ZNF19: variants seen among roughly 807,000 people sequenced by gnomAD.
The protein encoded by ZNF19 is zinc finger protein 19.
Under a neutral mutation model 13.1 loss-of-function variants are expected in ZNF19, and 11 were observed. The ratio of observed to expected loss-of-function variants is 0.84; its 90% CI spans 0.53 to 1.39. The LOEUF is 1.39. Among genes scored for constraint, ZNF19 ranks in the 40% most tolerant of loss-of-function variants. The pLI, the probability that ZNF19 is intolerant of heterozygous loss-of-function variation, is 0.00. For synonymous variants in ZNF19, 186 were observed against 187.0 expected (o/e 0.99, Z 0.04); for missense variants, 560 against 547.0 (o/e 1.02, Z -0.24).
chr16:71,488,357 CAAA>C (rs1204906609), intron 1 of ZNF19, among the ~76,000 whole-genome samples: 3 of 65,368 alleles, frequency 4.6e-5, no homozygotes, highest in Non-Finnish European at 3.7e-5. Context: ...GAGACTATCT[CAAA>C]AAAAAAAAAA....
chr16:71,478,545 T>C (rs748405790), intron 4 of ZNF19: 5 of 695,682 alleles, frequency 7.2e-6, no homozygotes, highest in South Asian at 1.5e-5. Context: ...GTCAGTGAGA[T>C]CCACAAGGCA....
intron 1 of ZNF19, among the ~76,000 whole-genome samples, chr16:71,486,918 C>T (rs2043682571): frequency 6.6e-6 from 1 of 151,918 alleles, no homozygotes; most frequent in Admixed American, 6.6e-5. Context: ...ATATTCTTGG[C>T]CAGAAGATGG....
chr16:71,478,259 G>T lies in ZNF19; in HGVS notation c.243C>A (p.Pro81=). The T allele has an allele frequency of 6.2e-7, 1 of 1,614,032 alleles. No homozygotes were observed. The highest frequency in any genetic ancestry group is 8.5e-7 in the Non-Finnish European group (1 of 1,179,994). The stretch of plus-strand genomic sequence containing the variant: ...AGACGTTTTTGGTCCTCTCTGCTGG[G>T]GGATCATCCTGTGCTTCCAGGCCCC... ...MAWGLEAQDD[P]PAERTKNVCK... The change falls in exon 5 of 6, where the codon CCC becomes CCA. Residue 81 remains proline (P), a synonymous_variant. Coordinates refer to ENST00000288177, the MANE Select transcript of ZNF19 (RefSeq NM_006961.4).
intron 1 of ZNF19, among the ~76,000 whole-genome samples, chr16:71,485,592 G>A (rs931722573): frequency 6.6e-6 from 1 of 151,402 alleles, no homozygotes; most frequent in African/African-American, 2.4e-5. Flanking sequence ...GGCAGCCAGA[G>A]CAATCTATAA....
At chr16:71,477,216 C>T (rs1196056924) in intron 5 of ZNF19, among the ~76,000 whole-genome samples, 3 of 151,968 alleles carry the variant, frequency 2.0e-5, no homozygotes, top group South Asian at 2.1e-4. Flanking sequence ...AAGGGAACTC[C>T]GAAGGAGAAT....
rs79577280 is a variant in ZNF19, at chr16:71,476,702, C to T, written c.275-430G>A. 7.0e-3 allele frequency among the ~76,000 whole-genome samples: 1,060 copies of T among 152,252 alleles called. 20 individuals are homozygous for T. Among genetic ancestry groups the T allele is most frequent in the African/African-American group, 0.025 (1,018 of 41,546 alleles). ...CAAAGGCAAAGGATGAATTGTTGTT[C>T]TTTTTAAAAACTCATACCCTGCAGA... On this transcript the variant is annotated intron_variant, in intron 5 of 5. Transcript: ENST00000288177.
chr16:71,482,449 A>C, intron 2 of ZNF19: 1 of 261,338 alleles, frequency 3.8e-6, no homozygotes, highest in African/African-American at 2.2e-5. Flanking sequence ...AACAAGAAGA[A>C]TCTCAGACCT....
chr16:71,488,579 G>C (rs1000300451), intron 1 of ZNF19, among the ~76,000 whole-genome samples: 2 of 152,030 alleles, frequency 1.3e-5, no homozygotes, highest in African/African-American at 2.4e-5. Context: ...CAGGCGGATC[G>C]CCTGAGGTCA....
chr16:71,482,166 C>G, intron 2 of ZNF19, 23 bp from the exon 3 acceptor site: 1 of 1,611,610 alleles, frequency 6.2e-7, no homozygotes, highest in Non-Finnish European at 8.5e-7. Context: ...ACAGAGAGAA[C>G]CAACAGTGAG....
chr16:71,478,121 T>TA lies in ZNF19; in HGVS notation c.274+106dup, dbSNP rs1414735264. On this transcript the variant is annotated intron_variant, in intron 5 of 5. Transcript: ENST00000288177. ...GAGAAACGTTTCATATTTTACCTAT[T>TA]AGGTGAAATCATCTATTTTATTTAA... 5.6e-6 allele frequency: 4 copies of TA among 719,166 alleles called. No individual in the cohort carries two copies. The East Asian group carries it at 1.1e-4, about 19-fold the overall frequency. 44.5% of individuals were successfully genotyped at this position (719,166 alleles called of 1,614,324 possible).
chr16:71,484,129 G>A (rs918926712), intron 2 of ZNF19, among the ~76,000 whole-genome samples: 3 of 152,200 alleles, frequency 2.0e-5, no homozygotes, highest in Non-Finnish European at 2.9e-5. Flanking sequence ...TTCGATCTAC[G>A]TGCACTAAGT....
intron 3 of ZNF19, among the ~76,000 whole-genome samples, chr16:71,481,038 T>C (rs2043634176): frequency 6.6e-6 from 1 of 152,156 alleles, no homozygotes; most frequent in African/African-American, 2.4e-5. Flanking sequence ...CTAAATGTAA[T>C]CTGAAAGATG....
rs371059911 is a variant in ZNF19, at chr16:71,478,990, C to T, written c.49G>A (p.Glu17Lys). 4.5e-5 allele frequency: 73 copies of T among 1,614,042 alleles called. 1 individual carries two copies. The highest frequency in any genetic ancestry group is 1.6e-4 in the Middle Eastern group (1 of 6,084). Reference protein sequence around the residue: ...KAQYQEMVTFEDVAVHFTKTE... With the variant: ...KAQYQEMVTFKDVAVHFTKTE... ...TTGGTGAAGTGCACAGCCACATCCT[C>T]GAAGGTCACCATCTCCTAAAACAAC... is the stretch of plus-strand genomic sequence containing the variant. The change falls in exon 4 of 6, where the codon GAG becomes AAG. Residue 17 changes from glutamate to lysine, a missense_variant. Physicochemically the swap from Glu to Lys is moderately conservative, Grantham distance 56. Transcript: ENST00000288177.
intron 4 of ZNF19, 111 bp from the exon 5 acceptor site, chr16:71,478,452 T>C: frequency 3.8e-6 from 3 of 789,962 alleles, no homozygotes; most frequent in Non-Finnish European, 6.6e-6. Flanking sequence ...GGTTCTCGAC[T>C]GGAGAAGGCC....
rs1252875678 is a variant in ZNF19 at position 71,482,100 on chromosome 16, A to AGGCATG, written c.9_14dup (p.Met4_Pro5dup). ...AGCTCACCTGGTATTGAGCTTTCAG[A>AGGCATG]GGCATGGCTGCCATGACCTGGTCTC... On this transcript the variant is annotated inframe_insertion, in exon 3 of 6. Coordinates refer to ENST00000288177, the MANE Select transcript of ZNF19 (RefSeq NM_006961.4). 2.5e-6 allele frequency: 4 copies of AGGCATG among 1,614,050 alleles called. No individual in the cohort carries two copies. The highest frequency in any genetic ancestry group is 3.4e-6 in the Non-Finnish European group (4 of 1,180,038).
chr16:71,487,464 A>C (rs953881596), intron 1 of ZNF19: 1 of 152,586 alleles, frequency 6.6e-6, no homozygotes, highest in Non-Finnish European at 1.5e-5. Context: ...ACCCAGTCTC[A>C]GGTATATCTG....
At chr16:71,479,144 T>G in intron 3 of ZNF19, 139 bp from the exon 4 acceptor site, 1 of 1,101,214 alleles carries the variant, frequency 9.1e-7, no homozygotes, top group Non-Finnish European at 1.3e-6. Flanking sequence ...AACTGGATAT[T>G]AGACCATTAT....
At chr16:71,478,744 A>G (rs900083359) in intron 4 of ZNF19, 135 bp downstream of exon 4, 1 of 1,278,778 alleles carries the variant, frequency 7.8e-7, no homozygotes, top group Admixed American at 2.2e-5. Flanking sequence ...ACTGAGCCTC[A>G]GCTCTGCAGT....
chr16:71,482,043 A>G, intron 3 of ZNF19, 39 bp downstream of exon 3: 1 of 1,611,258 alleles, frequency 6.2e-7, no homozygotes, highest in Non-Finnish European at 8.5e-7. Flanking sequence ...CCTTCAACTC[A>G]GACCTCCATA....
Sources: gnomAD v4.1 joint callset for allele counts (sites outside exome capture counted in the v4.1 genomes callset) on GRCh38, gnomAD v4.1.1 for gene constraint, MANE v1.5 for transcripts, NCBI Gene and HGNC (gene_info 2026-07-23, HGNC 2026-07-21) for gene names.